TUBGCP4: variants seen among roughly 807,000 people sequenced by gnomAD.
TUBGCP4 encodes tubulin gamma complex component 4, also known as gamma-tubulin complex component 4.
In TUBGCP4, 54 loss-of-function variants were observed where a neutral mutation model predicts 91.6. That is an observed-to-expected ratio of 0.59 (90% confidence interval 0.47 to 0.74). TUBGCP4 has a LOEUF of 0.74. TUBGCP4 is among the 30% of genes least tolerant of loss of function. The pLI, the probability that TUBGCP4 is intolerant of heterozygous loss-of-function variation, is 0.00. For synonymous variants in TUBGCP4, 297 were observed against 302.8 expected, an observed-to-expected ratio of 0.98 and a Z score of 0.20; for missense variants, 593 against 800.9, an observed-to-expected ratio of 0.74 and a Z score of 3.13.
At chr15:43,375,686 A>G (rs534822077) in intron 1 of TUBGCP4, among the ~76,000 whole-genome samples, 2 of 152,336 alleles carry the variant, frequency 1.3e-5, no homozygotes, top group South Asian at 2.1e-4. Context: ...TCCTAAGAAT[A>G]TGTCTGAGAA....
intron 3 of TUBGCP4, 98 bp downstream of exon 3, chr15:43,376,723 T>G: frequency 6.5e-7 from 1 of 1,528,688 alleles, no homozygotes. Flanking sequence ...TAGTTAAGAG[T>G]GAGCAGTTGC....
At chr15:43,374,027 A>G (rs915571385) in intron 1 of TUBGCP4, among the ~76,000 whole-genome samples, 1 of 152,200 alleles carries the variant, frequency 6.6e-6, no homozygotes, top group Non-Finnish European at 1.5e-5. Context: ...GCATTGTGTC[A>G]TTAAAATCTA....
chr15:43,391,980 C>T (rs1365265727), intron 9 of TUBGCP4, among the ~76,000 whole-genome samples: 1 of 151,760 alleles, frequency 6.6e-6, no homozygotes, highest in Admixed American at 6.6e-5. Context: ...GCTTGAACCT[C>T]GGAGGCAGAG....
At chr15:43,376,938 C>G (rs2044214314) in intron 3 of TUBGCP4, 76 bp from the exon 4 acceptor site, 1 of 1,242,758 alleles carries the variant, frequency 8.0e-7, no homozygotes, top group African/African-American at 1.5e-5. Context: ...TCATGAGATT[C>G]TCTTCTCATT....
chr15:43,379,094 A>G (rs904494612), intron 5 of TUBGCP4, among the ~76,000 whole-genome samples: 1 of 152,224 alleles, frequency 6.6e-6, no homozygotes, highest in Non-Finnish European at 1.5e-5. Context: ...CCTCCCTGCC[A>G]GAATAGTGGT....
Position 43,400,080 on chromosome 15 carries a change from C to A in TUBGCP4, c.1455C>A (p.Arg485=). The change falls in exon 14 of 18, where the codon CGC becomes CGA. Residue 485 remains arginine, a synonymous_variant. Coordinates refer to ENST00000564079, the MANE Select transcript of TUBGCP4 (RefSeq NM_014444.5). The part of the protein sequence containing the change: ...NVVFKYLLSV[R]RVQAELQHCW... ...TTTTTAAGTACTTACTGAGTGTGCG[C>A]CGGGTGCAAGCTGAGCTGCAGCACT... is the stretch of plus-strand genomic sequence containing the variant. 1 of 1,613,878 alleles carries A rather than the reference C, an allele frequency of 6.2e-7. No individual in the cohort carries two copies. The highest frequency in any genetic ancestry group is 1.3e-5 in the African/African-American group (1 of 75,012).
rs200053428 is a variant in TUBGCP4 at position 43,377,038 on chromosome 15, A to G, written c.355A>G (p.Ile119Val). The G allele has an allele frequency of 4.3e-6, 7 of 1,614,044 alleles. No homozygotes were observed. The highest frequency in any genetic ancestry group is 5.9e-6 in the Non-Finnish European group (7 of 1,179,884). Residue 119 changes from isoleucine (I) to valine (V), a missense_variant, in exon 4 of 18, where the codon ATA (isoleucine) becomes GTA (valine). Physicochemically the swap from Ile to Val is conservative, Grantham distance 29 (BLOSUM62 3). Transcript: ENST00000564079. ...QEFLGDPHLS[I>V]SHVNYFLDQF... ...GTTCCTGGGTGATCCCCATCTCTCC[A>G]TATCACATGTCAACTACTTCCTAGA...
chr15:43,401,933 C>A, intron 15 of TUBGCP4, 83 bp downstream of exon 15: 3 of 1,516,028 alleles, frequency 2.0e-6, no homozygotes, highest in African/African-American at 1.4e-5. Context: ...GGATACGAAA[C>A]CATCATTAAG....
chr15:43,403,029 A>G lies in TUBGCP4; in HGVS notation c.1732-654A>G, dbSNP rs1020062931. 2.0e-5 allele frequency: 3 copies of G among 152,278 alleles called. No homozygotes were observed. In the South Asian group the frequency reaches 6.2e-4, roughly 31 times the overall value. 9.4% of individuals were successfully genotyped at this position (152,278 alleles called of 1,614,324 possible). A position where few individuals can be genotyped will look rare whatever the true frequency, so the allele number is the denominator to read the frequency against. Reference sequence around the variant, plus strand: ...TGCTGTCCTTATGTGGCATAGATGTATCCATAGGGAAAAGCAGAATAACAG... The same window carrying G: ...TGCTGTCCTTATGTGGCATAGATGTGTCCATAGGGAAAAGCAGAATAACAG... On this transcript the variant is annotated intron_variant, in intron 15 of 17. Transcript: ENST00000564079.
At position 43,397,397 on chromosome 15, in the gene TUBGCP4, G is replaced by A. The variant is rs200303733; in HGVS notation, c.1279+76G>A. On this transcript the variant is annotated intron_variant, in intron 12 of 17. Coordinates refer to ENST00000564079, the MANE Select transcript of TUBGCP4 (RefSeq NM_014444.5). ...TTTCCCATCTCTGCTTCCATCCCCC[G>A]CCACAGAAACCATATGATTTTGGAT... The A allele has an allele frequency of 3.0e-5, 32 of 1,061,672 alleles. 1 individual carries two copies. The highest frequency in any genetic ancestry group is 2.4e-4 in the East Asian group (10 of 42,306). The allele number at this position is 1,061,672 out of a possible 1,614,324, so 65.8% of individuals were successfully genotyped here.
At chr15:43,394,967 T>G in intron 9 of TUBGCP4, 140 bp from the exon 10 acceptor site, 1 of 828,292 alleles carries the variant, frequency 1.2e-6, no homozygotes, top group African/African-American at 1.7e-5. Context: ...AATAATACAT[T>G]GATTGTTTTG....
intron 15 of TUBGCP4, chr15:43,403,320 G>C (rs2044736058): frequency 5.6e-6 from 1 of 179,706 alleles, no homozygotes; most frequent in African/African-American, 2.4e-5. Context: ...TTCACTGAGA[G>C]AGTGGGACTT....
intron 13 of TUBGCP4, 26 bp downstream of exon 13, chr15:43,398,205 G>A: frequency 6.3e-7 from 1 of 1,598,998 alleles, no homozygotes. Flanking sequence ...TTTCTCACAG[G>A]TAAATATGAC....
At chr15:43,399,965 A>C in intron 13 of TUBGCP4, 79 bp from the exon 14 acceptor site, 4 of 1,160,372 alleles carry the variant, frequency 3.4e-6, no homozygotes, top group Non-Finnish European at 4.8e-6. Context: ...TGGGTGGCAC[A>C]AAGTCCTAGA....
rs183013671 is a variant in TUBGCP4, at chr15:43,386,314, G to A, written c.998G>A (p.Arg333His). ...TTTGAACAGGTGGTGGATCGCATTC[G>A]CAGCACTGTGGCTGAGGTTTGTGTT... ...VDFEQVVDRIRSTVAEHLWKL... is the reference protein window; with the variant it reads ...VDFEQVVDRIHSTVAEHLWKL... Residue 333 changes from arginine (R) to histidine (H), a missense_variant, in exon 9 of 18, where the codon CGC becomes CAC. Arg to His is a conservative substitution (Grantham distance 29, BLOSUM62 0). Transcript: ENST00000564079. 182 of 1,497,094 alleles carry A rather than the reference G, an allele frequency of 1.2e-4. No individual in the cohort carries two copies. The East Asian group carries it at 1.5e-3, about 12-fold the overall frequency. 92.7% of individuals were successfully genotyped at this position (1,497,094 alleles called of 1,614,324 possible).
intron 13 of TUBGCP4, 161 bp downstream of exon 13, chr15:43,398,340 T>C: frequency 1.4e-6 from 1 of 697,830 alleles, no homozygotes; most frequent in East Asian, 2.8e-5. Flanking sequence ...AAGCCCAGGA[T>C]TTCAAATCCA....
intron 15 of TUBGCP4, 189 bp downstream of exon 15, chr15:43,402,039 G>T: frequency 1.7e-6 from 1 of 581,312 alleles, no homozygotes. Context: ...TTGGGAGGCC[G>T]AGGTGGGCGG....
Position 43,380,152 on chromosome 15 carries a change from T to G in TUBGCP4, c.510T>G (p.Ser170Arg). The G allele has an allele frequency of 6.2e-7, 1 of 1,613,982 alleles. No individual in the cohort carries two copies. The highest frequency in any genetic ancestry group is 8.5e-7 in the Non-Finnish European group (1 of 1,179,866). Residue 170 changes from serine to arginine, a missense_variant, in exon 6 of 18, where the codon AGT (serine) becomes AGG (arginine). Ser to Arg is a moderately radical substitution (Grantham distance 110, BLOSUM62 -1). Transcript: ENST00000564079. The stretch of plus-strand genomic sequence containing the variant: ...GTGGGGGGTTGCCTCCTGTTCGAAG[T>G]GCACTGGAAAAGTAAGTCATGGCTT... The part of the protein sequence containing the change: ...HSCGGLPPVR[S>R]ALEKILAVCH...
At chr15:43,389,817 A>T (rs1595489239) in intron 9 of TUBGCP4, among the ~76,000 whole-genome samples, 1 of 152,178 alleles carries the variant, frequency 6.6e-6, no homozygotes, top group East Asian at 1.9e-4. Context: ...CTGAAGGCGA[A>T]TGAGGAGCAT....
Sources: gnomAD v4.1 joint callset for allele counts (sites outside exome capture counted in the v4.1 genomes callset) on GRCh38, gnomAD v4.1.1 for gene constraint, MANE v1.5 for transcripts, NCBI Gene and HGNC (gene_info 2026-07-23, HGNC 2026-07-21) for gene names.